SLA: variants seen among roughly 807,000 people sequenced by gnomAD.
SLA encodes the protein Src like adaptor.
Under a neutral mutation model 30.3 loss-of-function variants are expected in SLA, and 16 were observed. That is an observed-to-expected ratio of 0.53 (90% CI 0.36 to 0.80). SLA has a LOEUF of 0.80. Among genes scored for constraint, SLA ranks in the 30% least tolerant of loss-of-function variants. SLA has a pLI of 0.01. For missense variants in SLA, 310 were observed against 345.2 expected (o/e 0.90, Z 0.81); for synonymous variants, 143 against 137.8 (o/e 1.04, Z -0.26).
Position 133,075,089 on chromosome 8 carries a change from T to C in SLA, c.-277A>G, listed in dbSNP as rs911394570. 1.8e-5 allele frequency: 18 copies of C among 985,480 alleles called. No individual in the cohort carries two copies. The South Asian group carries it at 8.0e-4, about 44-fold the overall frequency. 61.0% of individuals were successfully genotyped at this position (985,480 alleles called of 1,614,324 possible). Reference sequence around the variant, plus strand: ...CAGGGCTTGCAGAAGGGCAGGTTCCTGTTTTCAGTAACCACTCTGAGCAAG... The same window carrying C: ...CAGGGCTTGCAGAAGGGCAGGTTCCCGTTTTCAGTAACCACTCTGAGCAAG... On this transcript the variant is annotated 5_prime_UTR_variant, in exon 2 of 9. Transcript: ENST00000338087.
intron 1 of SLA, among the ~76,000 whole-genome samples, chr8:133,086,296 A>G (rs1292703998): frequency 2.0e-5 from 3 of 152,188 alleles, no homozygotes; most frequent in African/African-American, 7.2e-5. Context: ...TGATTGCACA[A>G]CTCTGTGACT....
chr8:133,097,681 AG>A (rs1483094234), intron 1 of SLA, among the ~76,000 whole-genome samples: 1 of 152,268 alleles, frequency 6.6e-6, no homozygotes, highest in East Asian at 1.9e-4. Context: ...CTGAGTAAAA[AG>A]ATTCACAACA....
At chr8:133,082,830 T>C (rs1790313790) in intron 1 of SLA, among the ~76,000 whole-genome samples, 1 of 152,244 alleles carries the variant, frequency 6.6e-6, no homozygotes, top group Non-Finnish European at 1.5e-5. Context: ...ATACTTTTTT[T>C]CTAATGATAA....
rs181271794 is a variant in SLA, at chr8:133,059,110, G to A, written c.61+990C>T. The A allele has an allele frequency of 1.2e-4, 56 of 456,252 alleles. 1 individual carries two copies. The highest frequency in any genetic ancestry group is 1.1e-3 in the Admixed American group (46 of 42,580). The allele number at this position is 456,252 out of a possible 1,614,324, so 28.3% of individuals were successfully genotyped here. A position where few individuals can be genotyped will look rare whatever the true frequency, so the allele number is the denominator to read the frequency against. On this transcript the variant is annotated intron_variant, in intron 3 of 8. Transcript: ENST00000338087. ...CTCAGTCCACTTCCCTGTCAGGCTCGGCAGACAGGGCAGCCATCTGCGCCA... is the reference window on the plus strand; with the variant it reads ...CTCAGTCCACTTCCCTGTCAGGCTCAGCAGACAGGGCAGCCATCTGCGCCA...
chr8:133,071,545 G>A (rs530829250), intron 2 of SLA, among the ~76,000 whole-genome samples: 2 of 152,326 alleles, frequency 1.3e-5, no homozygotes, highest in South Asian at 4.1e-4. Flanking sequence ...GGTGCAATGA[G>A]AGGTGGGTCC....
At chr8:133,089,620 C>T (rs769461211) in intron 1 of SLA, among the ~76,000 whole-genome samples, 1 of 152,196 alleles carries the variant, frequency 6.6e-6, no homozygotes, top group Non-Finnish European at 1.5e-5. Flanking sequence ...AAATTCTTCT[C>T]TTCATTTAGA....
intron 1 of SLA, among the ~76,000 whole-genome samples, chr8:133,101,856 CA>C (rs151042620): frequency 0.092 from 13,987 of 152,118 alleles, 2,184 homozygotes; most frequent in African/African-American, 0.32. Context: ...TGGAGTGACA[CA>C]ATGGCCAGGA....
chr8:133,040,319 AAG>A, intron 7 of SLA, 189 bp from the exon 8 acceptor site: 1 of 626,218 alleles, frequency 1.6e-6, no homozygotes, highest in Non-Finnish European at 2.8e-6. Context: ...TGAGAAATGT[AAG>A]CGTGCCCTGG....
chr8:133,038,640 G>A lies in SLA; in HGVS notation c.715C>T (p.Leu239=), dbSNP rs763671766. Residue 239 remains leucine (L), a synonymous_variant, in exon 9 of 9, where the codon CTG becomes TTG. Transcript: ENST00000338087. The stretch of plus-strand genomic sequence containing the variant: ...AAGGAGGTGTTGTCCTCACTGGTCA[G>A]GGACAGGTAAGAGGCAATGCTCTCT... ...LRESIASYLS[L]TSEDNTSFDR... is the part of the protein sequence containing the mutation. The A allele has an allele frequency of 3.1e-6, 5 of 1,613,886 alleles. No homozygotes were observed. Among genetic ancestry groups the A allele is most frequent in the South Asian group, 1.1e-5 (1 of 91,078 alleles).
At chr8:133,099,483 T>C (rs893337305) in intron 1 of SLA, among the ~76,000 whole-genome samples, 26 of 152,220 alleles carry the variant, frequency 1.7e-4, no homozygotes, top group Admixed American at 7.8e-4. Context: ...TAAACATGTG[T>C]CTGCACACAG....
intron 2 of SLA, among the ~76,000 whole-genome samples, chr8:133,067,763 GC>G (rs1037350621): frequency 2.0e-5 from 3 of 151,028 alleles, no homozygotes; most frequent in Admixed American, 2.0e-4. Context: ...GAGTGACAGA[GC>G]AAGACTCCAT....
At chr8:133,068,807 A>G (rs1261291305) in intron 2 of SLA, among the ~76,000 whole-genome samples, 1 of 152,238 alleles carries the variant, frequency 6.6e-6, no homozygotes, top group East Asian at 1.9e-4. Context: ...TTCTTTCTAG[A>G]TAGACTTTCT....
chr8:133,088,985 C>T (rs994581005), intron 1 of SLA, among the ~76,000 whole-genome samples: 5 of 152,242 alleles, frequency 3.3e-5, no homozygotes, highest in South Asian at 2.1e-4. Flanking sequence ...AGCTCTCTTC[C>T]TAAGCTGTCC....
intron 7 of SLA, among the ~76,000 whole-genome samples, chr8:133,041,272 A>G (rs931964746): frequency 6.6e-6 from 1 of 152,212 alleles, no homozygotes; most frequent in Non-Finnish European, 1.5e-5. Context: ...CCCACTTCCC[A>G]TCGGGTTTAT....
chr8:133,073,042 C>T (rs1479858827), intron 2 of SLA: 1 of 152,148 alleles, frequency 6.6e-6, no homozygotes, highest in East Asian at 1.9e-4. Context: ...TATTTAGTAC[C>T]TATTATCTCC....
intron 7 of SLA, among the ~76,000 whole-genome samples, chr8:133,043,652 A>G (rs1030672381): frequency 1.2e-4 from 18 of 152,000 alleles, no homozygotes; most frequent in African/African-American, 4.4e-4. Flanking sequence ...CAAGGTGCAA[A>G]TCTGAGCTTG....
In SLA at chr8:133,092,282, G is replaced by A. The variant is rs76777587; in HGVS notation, c.-319+10271C>T. On this transcript the variant is annotated intron_variant, in intron 1 of 8. Coordinates refer to ENST00000338087, the MANE Select transcript of SLA (RefSeq NM_001045556.3). The stretch of plus-strand genomic sequence containing the variant: ...ACTACAGTGACTAACTGAGGTCAAG[G>A]CACCTTACCATGTTCGGAGGCCCGA... Among the ~76,000 whole-genome samples, 552 of 152,324 alleles carry A rather than the reference G, an allele frequency of 3.6e-3. 3 individuals carry two copies. Among genetic ancestry groups the A allele is most frequent in the African/African-American group, 0.013 (525 of 41,574 alleles).
chr8:133,102,545 C>T lies in SLA; in HGVS notation c.-319+8G>A. The T allele has an allele frequency of 6.4e-7, 1 of 1,551,594 alleles. No individual in the cohort carries two copies. Among genetic ancestry groups the T allele is most frequent in the Non-Finnish European group, 8.7e-7 (1 of 1,146,858 alleles). On this transcript the variant is annotated splice_region_variant and intron_variant, in intron 1 of 8. Transcript: ENST00000338087. ...GGGGTCCCAATGACAGCAAAGTTAG[C>T]AACCTACCGGTGGAGCATCAGGGCT... is the stretch of plus-strand genomic sequence containing the variant.
rs780618355 is a variant in SLA, at chr8:133,040,128, C to T, written c.487G>A (p.Val163Met). 3.2e-6 allele frequency: 5 copies of T among 1,578,226 alleles called. No individual in the cohort carries two copies. The highest frequency in any genetic ancestry group is 4.3e-6 in the Non-Finnish European group (5 of 1,162,178). The change falls in exon 8 of 9, where the codon GTG becomes ATG. Residue 163 changes from valine (V) to methionine (M), a missense_variant and splice_region_variant. Val to Met is a conservative substitution (Grantham distance 21). Transcript: ENST00000338087. Reference protein sequence around the residue: ...LEDLVNHYSEVADGLCCVLTT... With the variant: ...LEDLVNHYSEMADGLCCVLTT... ...AGCACACAGCACAGGCCATCAGCCA[C>T]CTCTGAGGAGGGAAGCAGACAGCCG...
Sources: allele counts gnomAD v4.1 joint callset (sites outside exome capture counted in the v4.1 genomes callset), GRCh38; gene constraint gnomAD v4.1.1; transcripts MANE v1.5; gene names NCBI Gene and HGNC (gene_info 2026-07-23, HGNC 2026-07-21).